Variants in PRICKLE1 observed in about 807,000 individuals in gnomAD.
The protein encoded by PRICKLE1 is prickle planar cell polarity protein 1.
A neutral mutation model predicts 70.2 loss-of-function variants in PRICKLE1; 14 were observed. That is an observed-to-expected ratio of 0.20 (90% CI 0.13 to 0.31). The LOEUF (loss-of-function observed/expected upper bound fraction) is 0.31. Ranked by LOEUF, PRICKLE1 falls within the 10% of genes least tolerant of loss-of-function variation. The pLI is 1.00. For missense variants in PRICKLE1, 821 were observed against 1,026.2 expected, an observed-to-expected ratio of 0.80 and a Z score of 2.73; for synonymous variants, 357 against 379.9, an observed-to-expected ratio of 0.94 and a Z score of 0.70.
chr12:42,491,370 T>C (rs1384420295), intron 1 of PRICKLE1, among the ~76,000 whole-genome samples: 2 of 151,260 alleles, frequency 1.3e-5, no homozygotes, highest in Non-Finnish European at 3.0e-5. Context: ...CTGGCCAACA[T>C]GGTGAAACCC....
At chr12:42,566,155 CT>C (rs1376694700) in intron 1 of PRICKLE1, among the ~76,000 whole-genome samples, 1 of 152,044 alleles carries the variant, frequency 6.6e-6, no homozygotes, top group African/African-American at 2.4e-5. Flanking sequence ...GATCACTCTG[CT>C]TTGTGGAAGA....
At chr12:42,485,927 C>A (rs1938981696) in intron 1 of PRICKLE1, among the ~76,000 whole-genome samples, 1 of 152,232 alleles carries the variant, frequency 6.6e-6, no homozygotes, top group Non-Finnish European at 1.5e-5. Context: ...CAGTTGCAAG[C>A]TTCCTACAAA....
chr12:42,541,109 A>G (rs1309817006), intron 1 of PRICKLE1, among the ~76,000 whole-genome samples: 3 of 152,222 alleles, frequency 2.0e-5, no homozygotes, highest in Non-Finnish European at 2.9e-5. Flanking sequence ...ATTAATATAC[A>G]AATACAGTTG....
At chr12:42,581,596 A>G (rs1364311825) in intron 1 of PRICKLE1, among the ~76,000 whole-genome samples, 4 of 151,936 alleles carry the variant, frequency 2.6e-5, no homozygotes, top group Non-Finnish European at 5.9e-5. Flanking sequence ...AAAATACAAA[A>G]ATTAGCCAGG....
intron 1 of PRICKLE1, among the ~76,000 whole-genome samples, chr12:42,587,918 T>C (rs936179818): frequency 6.6e-6 from 1 of 152,250 alleles, no homozygotes; most frequent in African/African-American, 2.4e-5. Context: ...TCAAAATGTA[T>C]CTATCTTGCT....
At chr12:42,502,176 C>T (rs554883125) in intron 1 of PRICKLE1, among the ~76,000 whole-genome samples, 102 of 151,810 alleles carry the variant, frequency 6.7e-4, no homozygotes, top group African/African-American at 2.4e-3. Flanking sequence ...TATATACACA[C>T]ACACACCTAT....
chr12:42,561,905 C>CTTTTTTTTTTTTTTT (rs60450733), intron 1 of PRICKLE1, among the ~76,000 whole-genome samples: 1 of 87,252 alleles, frequency 1.1e-5, no homozygotes, highest in Non-Finnish European at 2.2e-5. Flanking sequence ...TTTTTCTTTT[C>CTTTTTTTTTTTTTTT]TTTTTTTTTT....
chr12:42,513,983 G>A (rs1322794164), intron 1 of PRICKLE1, among the ~76,000 whole-genome samples: 2 of 152,118 alleles, frequency 1.3e-5, no homozygotes, highest in Non-Finnish European at 2.9e-5. Context: ...GGCGACAAGA[G>A]TGAAACTCTG....
At chr12:42,579,876 TTA>T (rs1322886281) in intron 1 of PRICKLE1, among the ~76,000 whole-genome samples, 3 of 151,592 alleles carry the variant, frequency 2.0e-5, no homozygotes, top group African/African-American at 7.3e-5. Context: ...GGAGTTTATA[TTA>T]TTTTTTTTTT....
chr12:42,585,046 T>C (rs1188882982), intron 1 of PRICKLE1, among the ~76,000 whole-genome samples: 3 of 151,804 alleles, frequency 2.0e-5, no homozygotes, highest in African/African-American at 7.3e-5. Flanking sequence ...TTTTTTTTTT[T>C]CTGAAGTGTA....
chr12:42,545,214 G>C (rs1024845797), intron 1 of PRICKLE1, among the ~76,000 whole-genome samples: 1 of 152,102 alleles, frequency 6.6e-6, no homozygotes, highest in Non-Finnish European at 1.5e-5. Flanking sequence ...ATGTTGCCCA[G>C]GGTAGTCTAG....
At chr12:42,548,418 C>T (rs1001734947) in intron 1 of PRICKLE1, among the ~76,000 whole-genome samples, 1 of 152,118 alleles carries the variant, frequency 6.6e-6, no homozygotes, top group African/African-American at 2.4e-5. Context: ...TTATGTGCTT[C>T]GTAAGCATAA....
chr12:42,540,936 C>A lies in PRICKLE1; in HGVS notation c.-49+48529G>T, dbSNP rs539068576. 3.3e-5 allele frequency among the ~76,000 whole-genome samples: 5 copies of A among 152,248 alleles called. No homozygotes were observed. In the East Asian group the frequency reaches 9.7e-4, roughly 29 times the overall value. On this transcript the variant is annotated intron_variant, in intron 1 of 7. Coordinates refer to ENST00000345127, the MANE Select transcript of PRICKLE1 (RefSeq NM_153026.3). ...TCACTTTGTGGTTGTATTTAGAAATCTTTCCTCAAATTATACAACATATCT... is the reference window on the plus strand; with the variant it reads ...TCACTTTGTGGTTGTATTTAGAAATATTTCCTCAAATTATACAACATATCT...
intron 1 of PRICKLE1, among the ~76,000 whole-genome samples, chr12:42,523,835 T>C (rs1939754256): frequency 6.6e-6 from 1 of 152,246 alleles, no homozygotes; most frequent in Non-Finnish European, 1.5e-5. Context: ...ATAAAGATCT[T>C]TGATGTCAAA....
intron 1 of PRICKLE1, among the ~76,000 whole-genome samples, chr12:42,586,694 T>C (rs572517809): frequency 3.1e-4 from 47 of 152,316 alleles, no homozygotes; most frequent in Non-Finnish European, 5.9e-4. Context: ...TACTGGAAAA[T>C]ACTTTGTAAA....
intron 1 of PRICKLE1, among the ~76,000 whole-genome samples, chr12:42,549,670 T>A (rs1940278239): frequency 6.6e-6 from 1 of 152,158 alleles, no homozygotes; most frequent in South Asian, 2.1e-4. Flanking sequence ...ATGGCTCACT[T>A]ATCTCTCCAG....
chr12:42,581,383 A>T (rs958557096), intron 1 of PRICKLE1, among the ~76,000 whole-genome samples: 2 of 151,994 alleles, frequency 1.3e-5, no homozygotes. Flanking sequence ...ACATCCCTCC[A>T]CTACTGTCTA....
intron 1 of PRICKLE1, among the ~76,000 whole-genome samples, chr12:42,476,342 C>A (rs1005400524): frequency 3.9e-5 from 6 of 152,014 alleles, no homozygotes; most frequent in African/African-American, 1.4e-4. Context: ...GCCACCACAC[C>A]CAGCTAATTT....
At chr12:42,585,031 A>C (rs1422321746) in intron 1 of PRICKLE1, among the ~76,000 whole-genome samples, 8 of 150,952 alleles carry the variant, frequency 5.3e-5, no homozygotes, top group Non-Finnish European at 1.0e-4. Flanking sequence ...CACAGCCCTA[A>C]CTTTTTTTTT....
Sources: gnomAD v4.1 joint callset for allele counts (sites outside exome capture counted in the v4.1 genomes callset) on GRCh38, gnomAD v4.1.1 for gene constraint, MANE v1.5 for transcripts, NCBI Gene and HGNC (gene_info 2026-07-23, HGNC 2026-07-21) for gene names.